The following NXPH1 variants were observed in gnomAD, a reference collection of about 807,000 sequenced individuals.
NXPH1 encodes neurexophilin-1.
In NXPH1, 5 loss-of-function variants were observed where a neutral mutation model predicts 23.7. The ratio of observed to expected loss-of-function variants is 0.21; its 90% confidence interval spans 0.11 to 0.44. NXPH1 has a LOEUF of 0.44. Among genes scored for constraint, NXPH1 ranks in the 20% least tolerant of loss-of-function variants. The pLI is 0.99. For missense variants in NXPH1, 324 were observed against 321.6 expected (o/e 1.01, Z -0.06); for synonymous variants, 144 against 122.2 (o/e 1.18, Z -1.18).
At chr7:8,653,217 T>C (rs545978115) in intron 2 of NXPH1, among the ~76,000 whole-genome samples, 1 of 152,334 alleles carries the variant, frequency 6.6e-6, no homozygotes, top group East Asian at 1.9e-4. Context: ...AATCATCTTT[T>C]ACTATCACTC....
intron 2 of NXPH1, among the ~76,000 whole-genome samples, chr7:8,605,776 G>C (rs1373852176): frequency 6.6e-6 from 1 of 151,976 alleles, no homozygotes; most frequent in East Asian, 1.9e-4. Context: ...AATAAGATTA[G>C]GAAGAAAAAG....
intron 2 of NXPH1, among the ~76,000 whole-genome samples, chr7:8,686,188 T>C (rs1821143410): frequency 6.6e-6 from 1 of 152,198 alleles, no homozygotes; most frequent in African/African-American, 2.4e-5. Context: ...ACCTTAAGTT[T>C]AGCAAACATG....
chr7:8,703,303 A>C (rs1779655859), intron 2 of NXPH1, among the ~76,000 whole-genome samples: 1 of 152,100 alleles, frequency 6.6e-6, no homozygotes, highest in African/African-American at 2.4e-5. Flanking sequence ...TTCTGCAATT[A>C]TTACGTCTGT....
chr7:8,741,554 G>A (rs1264563232), intron 2 of NXPH1, among the ~76,000 whole-genome samples: 1 of 152,052 alleles, frequency 6.6e-6, no homozygotes, highest in Non-Finnish European at 1.5e-5. Context: ...TCCACATCGT[G>A]TTCAGCACTG....
At position 8,586,646 on chromosome 7, in the gene NXPH1, T is replaced by TAC. The variant is rs373014205; in HGVS notation, c.54+150893_54+150894dup. Among the ~76,000 whole-genome samples the TAC allele has an allele frequency of 9.3e-4, 139 of 149,782 alleles. 1 individual carries two copies. In the East Asian group the frequency reaches 0.019, roughly 20 times the overall value. ...TAATGAATATATATATATATATATA[T>TAC]ACACACACACACACATCGAGTAGAA... On this transcript the variant is annotated intron_variant, in intron 2 of 2. Transcript: ENST00000405863.
intron 2 of NXPH1, among the ~76,000 whole-genome samples, chr7:8,447,070 C>A (rs779307298): frequency 6.6e-6 from 1 of 152,018 alleles, no homozygotes; most frequent in African/African-American, 2.4e-5. Context: ...TATATGAGAC[C>A]TGTTATATTT....
chr7:8,490,009 G>C (rs544478666), intron 2 of NXPH1, among the ~76,000 whole-genome samples: 20 of 152,168 alleles, frequency 1.3e-4, no homozygotes, highest in African/African-American at 4.8e-4. Context: ...GGTATCTTCA[G>C]TGGAAAAGCC....
At chr7:8,693,528 T>C (rs1165627918) in intron 2 of NXPH1, among the ~76,000 whole-genome samples, 1 of 152,244 alleles carries the variant, frequency 6.6e-6, no homozygotes, top group Non-Finnish European at 1.5e-5. Flanking sequence ...ACTTAATCTT[T>C]TAAAACTTTG....
At chr7:8,736,398 T>C (rs1020385206) in intron 2 of NXPH1, among the ~76,000 whole-genome samples, 1 of 152,240 alleles carries the variant, frequency 6.6e-6, no homozygotes, top group Non-Finnish European at 1.5e-5. Context: ...CCAGTAGTCA[T>C]TCAGGAGCAG....
chr7:8,503,280 A>T (rs1203235061), intron 2 of NXPH1, among the ~76,000 whole-genome samples: 1 of 152,034 alleles, frequency 6.6e-6, no homozygotes, highest in Non-Finnish European at 1.5e-5. Flanking sequence ...AACAACTTGC[A>T]CAAGGAAGGT....
intron 2 of NXPH1, among the ~76,000 whole-genome samples, chr7:8,660,214 ATTTGT>A (rs1371474383): frequency 6.6e-6 from 1 of 152,172 alleles, no homozygotes; most frequent in Non-Finnish European, 1.5e-5. Context: ...ATAGGCATTA[ATTTGT>A]TTTGTTGTTT....
At chr7:8,486,302 A>C (rs1367622476) in intron 2 of NXPH1, among the ~76,000 whole-genome samples, 3 of 152,166 alleles carry the variant, frequency 2.0e-5, no homozygotes, top group Admixed American at 6.6e-5. Context: ...AAGGAAGTAG[A>C]ATGTTCTTTA....
Position 8,703,958 on chromosome 7 carries a change from G to A in NXPH1, c.55-47050G>A, listed in dbSNP as rs563145300. ...TAGAATCAGATATCAGAATACTCCA[G>A]AGGAAGAATGAAGTCTGACCCAGGA... On this transcript the variant is annotated intron_variant, in intron 2 of 2. Transcript: ENST00000405863. 2.0e-5 allele frequency among the ~76,000 whole-genome samples: 3 copies of A among 152,200 alleles called. No homozygotes were observed. In the South Asian group the frequency reaches 6.2e-4, roughly 32 times the overall value.
At chr7:8,504,232 G>A (rs899581289) in intron 2 of NXPH1, among the ~76,000 whole-genome samples, 6 of 151,820 alleles carry the variant, frequency 4.0e-5, no homozygotes, top group South Asian at 4.2e-4. Flanking sequence ...TGCTTCTTAG[G>A]ATAGCAGTAC....
At chr7:8,525,719 G>A (rs969838706) in intron 2 of NXPH1, among the ~76,000 whole-genome samples, 1 of 152,192 alleles carries the variant, frequency 6.6e-6, no homozygotes, top group African/African-American at 2.4e-5. Context: ...AGAGGTGGAA[G>A]CCCCAAGCCT....
At chr7:8,625,544 G>A (rs1233389765) in intron 2 of NXPH1, among the ~76,000 whole-genome samples, 1 of 152,080 alleles carries the variant, frequency 6.6e-6, no homozygotes, top group East Asian at 1.9e-4. Context: ...GAAATGCTGT[G>A]GAACACAGTC....
At chr7:8,574,153 C>A (rs148469874) in intron 2 of NXPH1, among the ~76,000 whole-genome samples, 1 of 152,074 alleles carries the variant, frequency 6.6e-6, no homozygotes, top group African/African-American at 2.4e-5. Context: ...AATCTGTACA[C>A]GGTTTGCACC....
At chr7:8,504,313 TCTTTCTTTCTTGTTTC>T (rs1817486904) in intron 2 of NXPH1, among the ~76,000 whole-genome samples, 1 of 152,090 alleles carries the variant, frequency 6.6e-6, no homozygotes, top group Non-Finnish European at 1.5e-5. Context: ...TACTAGTTTT[TCTTTCTTTCTTGTTTC>T]CTTTCTTTCA....
chr7:8,533,468 A>G (rs895212135), intron 2 of NXPH1, among the ~76,000 whole-genome samples: 4 of 152,160 alleles, frequency 2.6e-5, no homozygotes, highest in African/African-American at 7.2e-5. Context: ...TAGGTGACAT[A>G]TAGGAAAACT....
Sources: allele counts gnomAD v4.1 joint callset (sites outside exome capture counted in the v4.1 genomes callset), GRCh38; gene constraint gnomAD v4.1.1; transcripts MANE v1.5; gene names NCBI Gene and HGNC (gene_info 2026-07-23, HGNC 2026-07-21).